Variants in TMCC1 observed in about 807,000 individuals in gnomAD.
The protein encoded by TMCC1 is transmembrane and coiled-coil domain family 1, also known as transmembrane and coiled-coil domains protein 1.
TMCC1 carries 15 observed loss-of-function variants against 52.4 expected under a neutral mutation model. The observed-to-expected ratio is 0.29, with a 90% CI of 0.19 to 0.44. The LOEUF (loss-of-function observed/expected upper bound fraction) is 0.44. Ranked by LOEUF, TMCC1 falls within the 20% of genes least tolerant of loss-of-function variation. TMCC1 has a pLI of 1.00. For synonymous variants in TMCC1, 279 were observed against 301.9 expected (o/e 0.92, Z 0.79); for missense variants, 503 against 806.0 (o/e 0.62, Z 4.55).
At chr3:129,813,660 G>A (rs1483360040) in intron 4 of TMCC1, among the ~76,000 whole-genome samples, 2 of 152,116 alleles carry the variant, frequency 1.3e-5, no homozygotes, top group Admixed American at 1.3e-4. Context: ...GAGAGTGGGA[G>A]GAGGGTGAGG....
intron 4 of TMCC1, among the ~76,000 whole-genome samples, chr3:129,726,176 AC>A (rs1320139404): frequency 1.3e-5 from 2 of 152,186 alleles, no homozygotes; most frequent in Non-Finnish European, 2.9e-5. Context: ...ACAGAGTGAA[AC>A]TTTTGCAGCT....
At chr3:129,776,486 A>T (rs1053068369) in intron 4 of TMCC1, among the ~76,000 whole-genome samples, 6 of 152,238 alleles carry the variant, frequency 3.9e-5, no homozygotes, top group Non-Finnish European at 5.9e-5. Flanking sequence ...AGAATAAAAG[A>T]GGGCCTAAGA....
chr3:129,865,184 C>G (rs1388255516), intron 2 of TMCC1, among the ~76,000 whole-genome samples: 1 of 152,076 alleles, frequency 6.6e-6, no homozygotes, highest in African/African-American at 2.4e-5. Context: ...AAAGCTCAGG[C>G]TTCTCATTCA....
intron 4 of TMCC1, among the ~76,000 whole-genome samples, chr3:129,674,080 GC>G (rs1354239133): frequency 1.5e-4 from 23 of 152,280 alleles, no homozygotes; most frequent in African/African-American, 5.5e-4. Context: ...ATACCACATA[GC>G]CCAGGCGTTA....
At chr3:129,782,907 T>C (rs554442401) in intron 4 of TMCC1, among the ~76,000 whole-genome samples, 2 of 152,328 alleles carry the variant, frequency 1.3e-5, no homozygotes, top group South Asian at 2.1e-4. Context: ...AGATGAAATA[T>C]TGTTTAAACA....
chr3:129,701,272 G>A lies in TMCC1; in HGVS notation c.577-30008C>T, dbSNP rs191605599. On this transcript the variant is annotated intron_variant, in intron 4 of 6. Transcript: ENST00000393238. ...AAACAGAGAACAGATCTACAAAGAA[G>A]GCATTAAGAATAAAATGTGGCAAAT... Among the ~76,000 whole-genome samples, 10 of 152,318 alleles carry A rather than the reference G, an allele frequency of 6.6e-5. No individual in the cohort carries two copies. The East Asian group carries it at 1.9e-3, about 29-fold the overall frequency.
At chr3:129,839,062 T>G (rs2059303860) in intron 2 of TMCC1, among the ~76,000 whole-genome samples, 1 of 152,156 alleles carries the variant, frequency 6.6e-6, no homozygotes, top group African/African-American at 2.4e-5. Flanking sequence ...AGACCCATCC[T>G]ATAAGAAATA....
intron 4 of TMCC1, among the ~76,000 whole-genome samples, chr3:129,689,001 C>G (rs1275080131): frequency 7.9e-5 from 12 of 152,158 alleles, no homozygotes. Context: ...ACCTATGTTT[C>G]AATAAAGGCC....
At chr3:129,869,179 G>C (rs1201538735) in intron 2 of TMCC1, 1 of 151,994 alleles carries the variant, frequency 6.6e-6, no homozygotes, top group Non-Finnish European at 1.5e-5. Flanking sequence ...CTCAACCTTT[G>C]GGGAAGAGAG....
intron 4 of TMCC1, among the ~76,000 whole-genome samples, chr3:129,693,136 A>G (rs1222122361): frequency 6.6e-6 from 1 of 152,218 alleles, no homozygotes; most frequent in East Asian, 1.9e-4. Context: ...GCCATGAAAC[A>G]TGTTAAAATT....
chr3:129,843,298 G>A (rs902498285), intron 2 of TMCC1, among the ~76,000 whole-genome samples: 5 of 151,756 alleles, frequency 3.3e-5, no homozygotes, highest in Non-Finnish European at 5.9e-5. Flanking sequence ...AGTGAGCCGA[G>A]ATCGCACCAC....
intron 5 of TMCC1, among the ~76,000 whole-genome samples, chr3:129,663,477 C>A (rs943718342): frequency 6.6e-6 from 1 of 152,066 alleles, no homozygotes; most frequent in African/African-American, 2.4e-5. Context: ...GTATGACTTG[C>A]GGTGGGAGTT....
At chr3:129,842,567 T>C (rs982063628) in intron 2 of TMCC1, among the ~76,000 whole-genome samples, 3 of 152,148 alleles carry the variant, frequency 2.0e-5, no homozygotes, top group Non-Finnish European at 4.4e-5. Context: ...CTGAGTGACA[T>C]TTGTAGGGCA....
chr3:129,681,531 A>G (rs7653504), intron 4 of TMCC1, among the ~76,000 whole-genome samples: 151,778 of 151,966 alleles, frequency 1, 75,797 homozygotes, highest in Middle Eastern at 1. Context: ...TAAATGAAAT[A>G]GAGTATACAG....
At chr3:129,765,182 G>T (rs1182164294) in intron 4 of TMCC1, among the ~76,000 whole-genome samples, 1 of 150,274 alleles carries the variant, frequency 6.7e-6, no homozygotes, top group Non-Finnish European at 1.5e-5. Flanking sequence ...TAAAAACAGA[G>T]AAATTTTCAG....
chr3:129,848,650 T>C (rs983435185), intron 2 of TMCC1, among the ~76,000 whole-genome samples: 1 of 152,192 alleles, frequency 6.6e-6, no homozygotes, highest in Non-Finnish European at 1.5e-5. Context: ...CACTGTGCAG[T>C]TGAAAGTACA....
chr3:129,751,248 G>T (rs1347575962), intron 4 of TMCC1, among the ~76,000 whole-genome samples: 1 of 151,814 alleles, frequency 6.6e-6, no homozygotes, highest in African/African-American at 2.4e-5. Context: ...CAAAACTCCA[G>T]GCTGGGTACA....
chr3:129,712,001 C>CAAAAAAAA (rs71155567), intron 4 of TMCC1, among the ~76,000 whole-genome samples: 2 of 47,716 alleles, frequency 4.2e-5, no homozygotes, highest in African/African-American at 1.1e-4. Context: ...GACTCTGTCT[C>CAAAAAAAA]AAAAAAAAAA....
At chr3:129,660,062 T>C (rs979444569) in intron 5 of TMCC1, among the ~76,000 whole-genome samples, 2 of 152,222 alleles carry the variant, frequency 1.3e-5, no homozygotes, top group Admixed American at 6.5e-5. Flanking sequence ...CCTAGCGAGG[T>C]AGTTCAAAAA....
Sources: gnomAD v4.1 joint callset for allele counts (sites outside exome capture counted in the v4.1 genomes callset) on GRCh38, gnomAD v4.1.1 for gene constraint, MANE v1.5 for transcripts, NCBI Gene and HGNC (gene_info 2026-07-23, HGNC 2026-07-21) for gene names.